HYKK: variants seen among roughly 807,000 people sequenced by gnomAD.
HYKK encodes 5-hydroxy-L-lysine kinase.
HYKK carries 19 observed loss-of-function variants against 29.7 expected under a neutral mutation model. That is an observed-to-expected ratio of 0.64 (90% CI 0.45 to 0.94). HYKK has a LOEUF of 0.94. Ranked by LOEUF, HYKK falls within the 40% of genes least tolerant of loss-of-function variation. The pLI, the probability that HYKK is intolerant of heterozygous loss-of-function variation, is 0.00. For synonymous variants in HYKK, 152 were observed against 158.1 expected (o/e 0.96, Z 0.29); for missense variants, 390 against 443.4 (o/e 0.88, Z 1.08).
At chr15:78,528,475 C>G in intron 4 of HYKK, 1 of 985,384 alleles carries the variant, frequency 1.0e-6, no homozygotes, top group Non-Finnish European at 1.2e-6. Flanking sequence ...CTAGATATAA[C>G]CAGCCTTTTC....
chr15:78,527,689 T>C (rs1567022866), intron 4 of HYKK, 126 bp downstream of exon 4: 1 of 1,425,438 alleles, frequency 7.0e-7, no homozygotes, highest in Non-Finnish European at 9.1e-7. Context: ...TTGCTCCTAT[T>C]GCTTTTTAAA....
chr15:78,528,508 A>G, intron 4 of HYKK: 1 of 985,466 alleles, frequency 1.0e-6, no homozygotes, highest in South Asian at 4.7e-5. Context: ...GTACTGGTCA[A>G]AGGCAAGGAA....
intron 3 of HYKK, among the ~76,000 whole-genome samples, chr15:78,516,206 T>C (rs1406855383): frequency 3.3e-5 from 5 of 152,108 alleles, no homozygotes; most frequent in African/African-American, 1.2e-4. Context: ...TGAGTACCTT[T>C]TATGTTATTT....
chr15:78,514,038 T>G (rs1460496757), intron 2 of HYKK, among the ~76,000 whole-genome samples: 1 of 152,108 alleles, frequency 6.6e-6, no homozygotes, highest in East Asian at 1.9e-4. Context: ...GTGATCTGCC[T>G]TCATTGGCTT....
At chr15:78,513,553 A>T in intron 2 of HYKK, 128 bp downstream of exon 2, 1 of 681,340 alleles carries the variant, frequency 1.5e-6, no homozygotes, top group Non-Finnish European at 2.5e-6. Context: ...ATTTTTTAGC[A>T]CCTCAATAGT....
chr15:78,531,028 A>G (rs953044257), intron 4 of HYKK, among the ~76,000 whole-genome samples: 2 of 151,752 alleles, frequency 1.3e-5, no homozygotes, highest in Non-Finnish European at 1.5e-5. Flanking sequence ...CACACCACGT[A>G]ATTTTTGTAT....
At chr15:78,528,214 A>C (rs2052277457) in intron 4 of HYKK, 1 of 156,664 alleles carries the variant, frequency 6.4e-6, no homozygotes, top group Non-Finnish European at 1.4e-5. Context: ...AATCAGCAGC[A>C]GCATTTGATT....
chr15:78,528,333 C>T (rs181922706), intron 4 of HYKK: 13 of 648,224 alleles, frequency 2.0e-5, no homozygotes, highest in East Asian at 2.8e-4. Flanking sequence ...ACCATCCTTC[C>T]GCTGTCTCCT....
At chr15:78,515,589 T>A (rs919766333) in intron 3 of HYKK, among the ~76,000 whole-genome samples, 2 of 1,034 alleles carry the variant, frequency 1.9e-3, no homozygotes, top group African/African-American at 2.6e-3. Flanking sequence ...CCAAAGAAAT[T>A]TTTTTTTTTT....
At position 78,509,456 on chromosome 15, in the gene HYKK, C is replaced by A. The variant is rs532966037; in HGVS notation, c.-6+1785C>A. Among the ~76,000 whole-genome samples, 10 of 152,340 alleles carry A rather than the reference C, an allele frequency of 6.6e-5. No individual in the cohort carries two copies. In the South Asian group the frequency reaches 2.1e-3, roughly 32 times the overall value. ...GAAAACAGCGCTCTCCTAAGAGGAGCTTAACAAGTCAAAGATTGTATGGGA... is the reference window on the plus strand; with the variant it reads ...GAAAACAGCGCTCTCCTAAGAGGAGATTAACAAGTCAAAGATTGTATGGGA... On this transcript the variant is annotated intron_variant, in intron 1 of 4. Coordinates refer to ENST00000388988, the MANE Select transcript of HYKK (RefSeq NM_001013619.4).
intron 1 of HYKK, among the ~76,000 whole-genome samples, 155 bp from the exon 2 acceptor site, chr15:78,512,929 G>A (rs2052089110): frequency 6.6e-6 from 1 of 152,148 alleles, no homozygotes; most frequent in Non-Finnish European, 1.5e-5. Flanking sequence ...CTTATTCACT[G>A]ATTTGATTTT....
chr15:78,508,349 G>A lies in HYKK; in HGVS notation c.-6+678G>A, dbSNP rs928899995. Among the ~76,000 whole-genome samples the A allele has an allele frequency of 1.4e-4, 22 of 152,308 alleles. 1 individual carries two copies. In the East Asian group the frequency reaches 3.3e-3, roughly 23 times the overall value. ...AATCCCTTGGAAGGACGCAGCAAAA[G>A]GGAATGTAGGAGAAGAAAGGTAGAG... On this transcript the variant is annotated intron_variant, in intron 1 of 4. Coordinates refer to ENST00000388988, the MANE Select transcript of HYKK (RefSeq NM_001013619.4).
Position 78,514,908 on chromosome 15 carries a change from C to CTCTCTCTCTCTCTCTATA in HYKK, c.338-59_338-58insCTCTCTCTCTCTCTATAT, listed in dbSNP as rs766004199. On this transcript the variant is annotated intron_variant, in intron 2 of 4. Transcript: ENST00000388988. ...TAAATACCTCTCTCTCTCTCTCTCTCTATATATATATATATATATAAATAA... is the reference window on the plus strand; with the variant it reads ...TAAATACCTCTCTCTCTCTCTCTCTCTCTCTCTCTCTCTCTATATATATATATATATATATATAAATAA... 12 of 385,446 alleles carry CTCTCTCTCTCTCTCTATA rather than the reference C, an allele frequency of 3.1e-5. No homozygotes were observed. The East Asian group carries it at 3.2e-4, about 10-fold the overall frequency. 23.9% of individuals were successfully genotyped at this position (385,446 alleles called of 1,614,324 possible).
At chr15:78,530,073 C>T (rs941574257) in intron 4 of HYKK, among the ~76,000 whole-genome samples, 4 of 152,064 alleles carry the variant, frequency 2.6e-5, no homozygotes, top group Admixed American at 2.0e-4. Context: ...TGGGCTCAAG[C>T]GATCCTCCCA....
chr15:78,513,317 C>G lies in HYKK; in HGVS notation c.229C>G (p.Leu77Val). 1 of 1,614,158 alleles carries G rather than the reference C, an allele frequency of 6.2e-7. No individual in the cohort carries two copies. Among genetic ancestry groups the G allele is most frequent in the Non-Finnish European group, 8.5e-7 (1 of 1,180,002 alleles). The change falls in exon 2 of 5, where the codon CTG (leucine) becomes GTG (valine). Residue 77 changes from leucine to valine, a missense_variant. By Grantham distance (32) the Leu-to-Val change is conservative (BLOSUM62 1). Coordinates refer to ENST00000388988, the MANE Select transcript of HYKK (RefSeq NM_001013619.4). Reference protein sequence around the residue: ...SNTKASKNPDLIEVQNHIIMF... With the variant: ...SNTKASKNPDVIEVQNHIIMF... ...CACCAAGGCTAGCAAAAATCCAGAC[C>G]TGATTGAAGTGCAGAATCACATCAT...
chr15:78,508,369 G>A (rs933990324), intron 1 of HYKK, among the ~76,000 whole-genome samples: 2 of 152,202 alleles, frequency 1.3e-5, no homozygotes, highest in African/African-American at 2.4e-5. Flanking sequence ...GAGAAGAAAG[G>A]TAGAGTTGGA....
At chr15:78,526,500 A>G (rs570088339) in intron 3 of HYKK, among the ~76,000 whole-genome samples, 1 of 152,378 alleles carries the variant, frequency 6.6e-6, no homozygotes, top group South Asian at 2.1e-4. Flanking sequence ...AAATGACGGC[A>G]CTAACCATGT....
Position 78,536,038 on chromosome 15 carries a change from A to G in HYKK, c.*2368A>G, listed in dbSNP as rs1460178800. 6.6e-6 allele frequency: 1 copy of G among 152,220 alleles called. No individual in the cohort carries two copies. The highest frequency in any genetic ancestry group is 2.4e-5 in the African/African-American group (1 of 41,448). 9.4% of individuals were successfully genotyped at this position (152,220 alleles called of 1,614,324 possible). The stretch of plus-strand genomic sequence containing the variant: ...AGCCTGTGTTGTTTTTTAACAATAT[A>G]TAATAAAAGCCAACATTTATTCAGC... On this transcript the variant is annotated 3_prime_UTR_variant, in exon 5 of 5. Transcript: ENST00000388988.
intron 1 of HYKK, among the ~76,000 whole-genome samples, chr15:78,510,665 C>T (rs2052065545): frequency 6.6e-6 from 1 of 152,146 alleles, no homozygotes; most frequent in South Asian, 2.1e-4. Context: ...CATTAACAGG[C>T]ATATGGTCTG....
Sources: allele counts gnomAD v4.1 joint callset (sites outside exome capture counted in the v4.1 genomes callset), GRCh38; gene constraint gnomAD v4.1.1; transcripts MANE v1.5; gene names NCBI Gene and HGNC (gene_info 2026-07-23, HGNC 2026-07-21).